Variants in CTNNA3 observed in about 807,000 individuals in gnomAD.
CTNNA3 encodes the protein catenin alpha-3.
CTNNA3 carries 76 observed loss-of-function variants against 95.7 expected under a neutral mutation model. The ratio of observed to expected loss-of-function variants is 0.79; its 90% CI spans 0.66 to 0.96. The LOEUF is 0.96. Among genes scored for constraint, CTNNA3 ranks in the 40% least tolerant of loss-of-function variants. CTNNA3 has a pLI of 0.00. For missense variants in CTNNA3, 1,191 were observed against 1,089.8 expected, an observed-to-expected ratio of 1.09 and a Z score of -1.31; for synonymous variants, 431 against 374.4, an observed-to-expected ratio of 1.15 and a Z score of -1.74.
intron 7 of CTNNA3, among the ~76,000 whole-genome samples, chr10:66,934,368 T>A (rs1256403456): frequency 3.9e-5 from 6 of 152,112 alleles, no homozygotes; most frequent in Non-Finnish European, 7.4e-5. Flanking sequence ...AGTCTGTAAT[T>A]CCTATATCAC....
At chr10:66,096,403 C>G (rs1483333145) in intron 14 of CTNNA3, among the ~76,000 whole-genome samples, 1 of 152,088 alleles carries the variant, frequency 6.6e-6, no homozygotes, top group East Asian at 1.9e-4. Context: ...GCAGAACTAT[C>G]TCCAACATGC....
chr10:66,510,536 A>C (rs887111477), intron 11 of CTNNA3, among the ~76,000 whole-genome samples: 1 of 147,576 alleles, frequency 6.8e-6, no homozygotes, highest in Non-Finnish European at 1.5e-5. Context: ...TGGGTTTGTC[A>C]TATATGGTCT....
chr10:67,503,616 G>C (rs1839301675), intron 5 of CTNNA3, among the ~76,000 whole-genome samples: 1 of 152,060 alleles, frequency 6.6e-6, no homozygotes, highest in Non-Finnish European at 1.5e-5. Flanking sequence ...TCTACTATAA[G>C]AGCTTGATCT....
At chr10:66,588,179 G>C (rs1589457243) in intron 10 of CTNNA3, among the ~76,000 whole-genome samples, 1 of 152,036 alleles carries the variant, frequency 6.6e-6, no homozygotes, top group African/African-American at 2.4e-5. Flanking sequence ...GTAGTGTTAA[G>C]ATCTGCCTCC....
intron 10 of CTNNA3, among the ~76,000 whole-genome samples, chr10:66,561,404 A>G (rs950079783): frequency 1.8e-4 from 28 of 152,234 alleles, no homozygotes; most frequent in African/African-American, 6.3e-4. Flanking sequence ...CCTTACATAT[A>G]TTGTCTTAAT....
In CTNNA3 at chr10:66,006,168, G is replaced by A. The variant is rs183081892; in HGVS notation, c.2160-17371C>T. On this transcript the variant is annotated intron_variant, in intron 15 of 17. Transcript: ENST00000433211. The stretch of plus-strand genomic sequence containing the variant: ...GCTGGGACTACAGGCACCCACCACC[G>A]TGCCCGGCTAATTTTTTTGTATTTT... Among the ~76,000 whole-genome samples, 448 of 151,384 alleles carry A rather than the reference G, an allele frequency of 3.0e-3. 1 individual carries two copies. The highest frequency in any genetic ancestry group is 0.011 in the African/African-American group (434 of 41,246).
chr10:66,047,355 A>G (rs1395226878), intron 15 of CTNNA3, among the ~76,000 whole-genome samples: 1 of 152,256 alleles, frequency 6.6e-6, no homozygotes, highest in Non-Finnish European at 1.5e-5. Flanking sequence ...GATTCATCAC[A>G]TAAACGGAAC....
chr10:66,167,973 C>A (rs1018483950), intron 13 of CTNNA3, among the ~76,000 whole-genome samples: 1 of 152,132 alleles, frequency 6.6e-6, no homozygotes, highest in Non-Finnish European at 1.5e-5. Context: ...AGCATAGATG[C>A]AATCATGGGT....
chr10:67,312,045 G>C (rs747758881), intron 5 of CTNNA3, among the ~76,000 whole-genome samples: 1 of 150,438 alleles, frequency 6.6e-6, no homozygotes, highest in African/African-American at 2.4e-5. Flanking sequence ...AGTCTGCAAG[G>C]CTTGTGAAAA....
intron 15 of CTNNA3, among the ~76,000 whole-genome samples, chr10:66,025,145 G>T (rs1291915384): frequency 6.6e-6 from 1 of 152,142 alleles, no homozygotes; most frequent in East Asian, 1.9e-4. Flanking sequence ...TACTCTATTT[G>T]CATTTGTCCA....
At chr10:66,752,551 T>A (rs1197950849) in intron 9 of CTNNA3, among the ~76,000 whole-genome samples, 1 of 152,126 alleles carries the variant, frequency 6.6e-6, no homozygotes, top group African/African-American at 2.4e-5. Flanking sequence ...CATAAAAGCA[T>A]AATCCATATA....
In CTNNA3 at chr10:67,732,111, A is replaced by G. The variant is rs182157586; in HGVS notation, c.-2+31323T>C. On this transcript the variant is annotated intron_variant, in intron 1 of 17. Coordinates refer to the CTNNA3 transcript ENST00000684154. Reference sequence around the variant, plus strand: ...TTTTTTTTTTAAGCTTAATTGAAAAATAATAAGACTTGTTATCAATTGTTG... The same window carrying G: ...TTTTTTTTTTAAGCTTAATTGAAAAGTAATAAGACTTGTTATCAATTGTTG... Among the ~76,000 whole-genome samples the G allele has an allele frequency of 4.2e-3, 636 of 151,836 alleles. 1 individual carries two copies. The highest frequency in any genetic ancestry group is 7.3e-3 in the Non-Finnish European group (494 of 67,942).
At chr10:65,946,562 T>C (rs554116290) in intron 17 of CTNNA3, among the ~76,000 whole-genome samples, 68 of 152,294 alleles carry the variant, frequency 4.5e-4, no homozygotes, top group Middle Eastern at 6.8e-3. Flanking sequence ...AAACATCACC[T>C]TGCATTCTTA....
intron 7 of CTNNA3, among the ~76,000 whole-genome samples, chr10:66,812,188 C>A (rs2132266292): frequency 6.6e-6 from 1 of 152,106 alleles, no homozygotes; most frequent in African/African-American, 2.4e-5. Flanking sequence ...GATAATAAGG[C>A]AAATGAAACC....
intron 7 of CTNNA3, among the ~76,000 whole-genome samples, chr10:67,159,977 T>C (rs1157112070): frequency 5.3e-5 from 8 of 152,086 alleles, no homozygotes; most frequent in Non-Finnish European, 1.2e-4. Context: ...ATCTATCTGA[T>C]AAGGAGTTAA....
intron 5 of CTNNA3, among the ~76,000 whole-genome samples, chr10:67,286,172 A>G (rs1839596842): frequency 6.6e-6 from 1 of 152,226 alleles, no homozygotes; most frequent in Non-Finnish European, 1.5e-5. Flanking sequence ...GCCTTCTCCT[A>G]GAGACTTAGC....
chr10:66,144,558 G>A (rs1016723279), intron 13 of CTNNA3, among the ~76,000 whole-genome samples: 5 of 151,500 alleles, frequency 3.3e-5, no homozygotes, highest in African/African-American at 4.9e-5. Flanking sequence ...CATAATCTCC[G>A]CTCACTGCAA....
chr10:67,510,422 C>G (rs937052987), intron 5 of CTNNA3, among the ~76,000 whole-genome samples: 7 of 151,136 alleles, frequency 4.6e-5, no homozygotes, highest in Non-Finnish European at 8.8e-5. Context: ...CCAGTTTTCC[C>G]TGCACCATTT....
intron 9 of CTNNA3, among the ~76,000 whole-genome samples, chr10:66,670,014 G>GA (rs905670846): frequency 4.6e-5 from 7 of 151,744 alleles, no homozygotes; most frequent in South Asian, 2.1e-4. Flanking sequence ...ATGGAGAATT[G>GA]AAAAAAAATT....
Sources: gnomAD v4.1 joint callset for allele counts (sites outside exome capture counted in the v4.1 genomes callset) on GRCh38, gnomAD v4.1.1 for gene constraint, MANE v1.5 for transcripts, NCBI Gene and HGNC (gene_info 2026-07-23, HGNC 2026-07-21) for gene names.